The following TFDP2 variants were observed in gnomAD, a reference collection of about 807,000 sequenced individuals.
TFDP2 encodes transcription factor Dp-2 (E2F dimerization partner 2).
A neutral mutation model predicts 59.3 loss-of-function variants in TFDP2; 17 were observed. The ratio of observed to expected loss-of-function variants is 0.29; its 90% CI spans 0.20 to 0.43. The LOEUF (loss-of-function observed/expected upper bound fraction) is 0.43. Ranked by LOEUF, TFDP2 falls within the 20% of genes least tolerant of loss-of-function variation. TFDP2 has a pLI of 1.00. For missense variants in TFDP2, 391 were observed against 528.8 expected (o/e 0.74, Z 2.56); for synonymous variants, 180 against 194.7 (o/e 0.92, Z 0.63).
chr3:142,049,642 T>G (rs76341014), intron 3 of TFDP2, among the ~76,000 whole-genome samples: 8,643 of 152,214 alleles, frequency 0.057, 303 homozygotes, highest in Middle Eastern at 0.11. Flanking sequence ...AGGTATAAAA[T>G]AAGAAAGGAA....
At chr3:141,991,265 T>C (rs989468839) in intron 6 of TFDP2, among the ~76,000 whole-genome samples, 1 of 152,216 alleles carries the variant, frequency 6.6e-6, no homozygotes, top group African/African-American at 2.4e-5. Flanking sequence ...ACAAAAGTAA[T>C]ATACAACTTA....
intron 1 of TFDP2, among the ~76,000 whole-genome samples, chr3:142,115,874 A>C (rs574900136): frequency 6.6e-6 from 1 of 152,280 alleles, no homozygotes; most frequent in Non-Finnish European, 1.5e-5. Flanking sequence ...AGAACTATAC[A>C]CAAAGACACA....
At chr3:141,974,406 A>G (rs1232770741) in intron 7 of TFDP2, among the ~76,000 whole-genome samples, 1 of 152,136 alleles carries the variant, frequency 6.6e-6, no homozygotes, top group Non-Finnish European at 1.5e-5. Context: ...AAACAATATA[A>G]AACAAAATAA....
At chr3:142,023,145 A>G (rs1234570852) in intron 3 of TFDP2, among the ~76,000 whole-genome samples, 2 of 149,144 alleles carry the variant, frequency 1.3e-5, no homozygotes, top group Non-Finnish European at 3.0e-5. Context: ...AAAAAAAAAG[A>G]AAAAGAAAAG....
rs1457969106 is a variant in TFDP2 at position 141,947,963 on chromosome 3, T to G, written c.*4550A>C. On this transcript the variant is annotated 3_prime_UTR_variant, in exon 13 of 13. Coordinates refer to ENST00000489671, the MANE Select transcript of TFDP2 (RefSeq NM_001178139.2). ...TCTCCACAGCACTCATCAATCAATC[T>G]GCACGTGTTCCATCTGTGATCAAGT... 1 of 152,260 alleles carries G rather than the reference T, an allele frequency of 6.6e-6. No individual in the cohort carries two copies. The highest frequency in any genetic ancestry group is 1.5e-5 in the Non-Finnish European group (1 of 68,078). The allele number at this position is 152,260 out of a possible 1,614,324, so 9.4% of individuals were successfully genotyped here.
At chr3:142,027,109 G>A (rs573255266) in intron 3 of TFDP2, among the ~76,000 whole-genome samples, 1 of 151,672 alleles carries the variant, frequency 6.6e-6, no homozygotes, top group East Asian at 1.9e-4. Flanking sequence ...GATGGCTTAG[G>A]CTTTAAAAAA....
rs972598157 is a variant in TFDP2, at chr3:141,949,444, T to C, written c.*3069A>G. ...CAAGGTATACAAACACCACAACTGC[T>C]CTCACCACAGGAAATAAGCACGTGG... On this transcript the variant is annotated 3_prime_UTR_variant, in exon 13 of 13. Coordinates refer to ENST00000489671, the MANE Select transcript of TFDP2 (RefSeq NM_001178139.2). 6.6e-6 allele frequency: 1 copy of C among 152,226 alleles called. No homozygotes were observed. Among genetic ancestry groups the C allele is most frequent in the Non-Finnish European group, 1.5e-5 (1 of 68,136 alleles). 9.4% of individuals were successfully genotyped at this position (152,226 alleles called of 1,614,324 possible). A position where few individuals can be genotyped will look rare whatever the true frequency, so the allele number is the denominator to read the frequency against.
intron 9 of TFDP2, among the ~76,000 whole-genome samples, chr3:141,964,238 A>G (rs1937617720): frequency 6.6e-6 from 1 of 152,136 alleles, no homozygotes; most frequent in African/African-American, 2.4e-5. Context: ...AGCAAGGGTG[A>G]TACCATTTAT....
chr3:142,017,842 C>T (rs1294043383), intron 3 of TFDP2, among the ~76,000 whole-genome samples: 9 of 151,558 alleles, frequency 5.9e-5, no homozygotes, highest in African/African-American at 1.9e-4. Context: ...TGAGCCACCG[C>T]GCCCAGCCAA....
At chr3:141,958,095 T>G (rs1437815312) in intron 11 of TFDP2, among the ~76,000 whole-genome samples, 3 of 152,176 alleles carry the variant, frequency 2.0e-5, no homozygotes, top group Non-Finnish European at 2.9e-5. Context: ...TTGAAAATTT[T>G]TGGTATCATC....
chr3:141,967,393 A>G (rs1938279323), intron 9 of TFDP2, among the ~76,000 whole-genome samples: 1 of 151,398 alleles, frequency 6.6e-6, no homozygotes, highest in African/African-American at 2.4e-5. Context: ...CCCAGGTTCA[A>G]GAGATTATCC....
rs369075227 is a variant in TFDP2 at position 141,969,130 on chromosome 3, CAT to C, written c.732+941_732+942del. Among the ~76,000 whole-genome samples the C allele has an allele frequency of 1.3e-4, 6 of 46,276 alleles. 2 individuals carry two copies. Among genetic ancestry groups the C allele is most frequent in the South Asian group, 5.9e-4 (1 of 1,684 alleles). The allele number at this position is 46,276 out of a possible 152,430, so 30.4% of individuals were successfully genotyped here. ...TCATATATATGAGATATATATATAA[CAT>C]ATATATCCCATATATATGAGATATA... On this transcript the variant is annotated intron_variant, in intron 9 of 12. Coordinates refer to ENST00000489671, the MANE Select transcript of TFDP2 (RefSeq NM_001178139.2).
At chr3:142,019,550 T>G (rs923038333) in intron 3 of TFDP2, among the ~76,000 whole-genome samples, 1 of 152,200 alleles carries the variant, frequency 6.6e-6, no homozygotes, top group African/African-American at 2.4e-5. Flanking sequence ...ACATGCTGCA[T>G]TTTACTTATC....
chr3:142,145,832 A>G (rs1054535942), intron 1 of TFDP2, among the ~76,000 whole-genome samples: 7 of 152,236 alleles, frequency 4.6e-5, no homozygotes, highest in African/African-American at 1.7e-4. Flanking sequence ...GATAGGGTAA[A>G]GAAAACGAAG....
chr3:142,148,656 G>C (rs1402978108), intron 1 of TFDP2, among the ~76,000 whole-genome samples: 1 of 152,178 alleles, frequency 6.6e-6, no homozygotes, highest in African/African-American at 2.4e-5. Flanking sequence ...ACACTTCTTT[G>C]TGAAGACAGA....
chr3:142,044,351 T>G (rs527992377), intron 3 of TFDP2, among the ~76,000 whole-genome samples: 1 of 142,634 alleles, frequency 7.0e-6, no homozygotes, highest in African/African-American at 2.6e-5. Flanking sequence ...ATCTCCTGCC[T>G]CAGCCTCCCA....
At chr3:142,088,479 C>T (rs531428579) in intron 3 of TFDP2, among the ~76,000 whole-genome samples, 4 of 151,922 alleles carry the variant, frequency 2.6e-5, no homozygotes, top group African/African-American at 7.2e-5. Flanking sequence ...TACAGGCATG[C>T]GCCACCACAC....
chr3:141,970,743 G>A (rs930753187), intron 8 of TFDP2, among the ~76,000 whole-genome samples: 2 of 152,136 alleles, frequency 1.3e-5, no homozygotes, highest in Non-Finnish European at 2.9e-5. Context: ...CTCCAATGAG[G>A]ACAGCTGATA....
At chr3:142,080,775 GC>G (rs1338880920) in intron 3 of TFDP2, among the ~76,000 whole-genome samples, 36 of 152,136 alleles carry the variant, frequency 2.4e-4, no homozygotes, top group African/African-American at 8.7e-4. Flanking sequence ...GGTCAATTCA[GC>G]AAGAGGATAT....
Sources: allele counts gnomAD v4.1 joint callset (sites outside exome capture counted in the v4.1 genomes callset), GRCh38; gene constraint gnomAD v4.1.1; transcripts MANE v1.5; gene names NCBI Gene and HGNC (gene_info 2026-07-23, HGNC 2026-07-21).